ZFP64: variants seen among roughly 807,000 people sequenced by gnomAD.
ZFP64 encodes ZFP64 zinc finger protein.
A neutral mutation model predicts 51.6 loss-of-function variants in ZFP64; 14 were observed. The observed-to-expected ratio is 0.27, with a 90% CI of 0.18 to 0.42. The LOEUF (loss-of-function observed/expected upper bound fraction) is 0.42, where lower values mean the gene tolerates loss of function less well. ZFP64 is among the 10% of genes least tolerant of loss of function. The probability of loss-of-function intolerance (pLI) is 1.00; values close to 1 mark genes in which losing one functional copy is unlikely to be tolerated. For synonymous variants in ZFP64, 375 were observed against 361.4 expected (o/e 1.04, Z -0.43); for missense variants, 754 against 906.8 (o/e 0.83, Z 2.16).
chr20:52,108,519 T>A (rs1041678029), intron 5 of ZFP64, among the ~76,000 whole-genome samples: 6 of 152,102 alleles, frequency 3.9e-5, no homozygotes, highest in African/African-American at 7.2e-5. Flanking sequence ...TTTTTTTTTT[T>A]TCTTTTGAGA....
At chr20:52,120,510 C>A (rs1218686321) in intron 5 of ZFP64, among the ~76,000 whole-genome samples, 1 of 151,678 alleles carries the variant, frequency 6.6e-6, no homozygotes, top group Non-Finnish European at 1.5e-5. Context: ...TCTTTTTTTA[C>A]AAGTTGAAGG....
At chr20:52,188,930 T>C (rs937468828) in intron 1 of ZFP64, among the ~76,000 whole-genome samples, 1 of 151,262 alleles carries the variant, frequency 6.6e-6, no homozygotes, top group Non-Finnish European at 1.5e-5. Context: ...GAGCTGAGAT[T>C]GTGCCACTGC....
At chr20:52,175,423 G>T (rs1266279175) in intron 2 of ZFP64, among the ~76,000 whole-genome samples, 1 of 152,110 alleles carries the variant, frequency 6.6e-6, no homozygotes, top group East Asian at 1.9e-4. Context: ...GCGCCCAGCA[G>T]GATATTATCA....
intron 2 of ZFP64, among the ~76,000 whole-genome samples, chr20:52,168,994 A>C (rs914874022): frequency 3.9e-5 from 6 of 152,204 alleles, no homozygotes; most frequent in African/African-American, 1.4e-4. Flanking sequence ...TCTAAAATGC[A>C]TCGTTGTTTC....
At chr20:52,102,029 T>C (rs1335351844) in intron 5 of ZFP64, among the ~76,000 whole-genome samples, 1 of 147,798 alleles carries the variant, frequency 6.8e-6, no homozygotes, top group African/African-American at 2.5e-5. Context: ...GGAGAATCGC[T>C]TGAACCTGTG....
intron 5 of ZFP64, among the ~76,000 whole-genome samples, chr20:52,111,852 C>T (rs140670817): frequency 0.21 from 31,461 of 151,786 alleles, 3,643 homozygotes; most frequent in Admixed American, 0.27. Context: ...GAGGCTGAGG[C>T]GGGTGGATCA....
intron 5 of ZFP64, among the ~76,000 whole-genome samples, chr20:52,116,684 C>T (rs1245779291): frequency 6.6e-6 from 1 of 152,032 alleles, no homozygotes; most frequent in Non-Finnish European, 1.5e-5. Flanking sequence ...CACATATATA[C>T]ACATACACAT....
chr20:52,158,564 G>A (rs1004488346), intron 5 of ZFP64, among the ~76,000 whole-genome samples: 50 of 152,124 alleles, frequency 3.3e-4, no homozygotes, highest in Non-Finnish European at 5.9e-5. Flanking sequence ...AAATTAGCCA[G>A]GCATGGCAGT....
At chr20:52,190,932 C>T (rs1320642376) in intron 1 of ZFP64, among the ~76,000 whole-genome samples, 2 of 152,114 alleles carry the variant, frequency 1.3e-5, no homozygotes, top group Non-Finnish European at 1.5e-5. Context: ...TTAAAATACA[C>T]GCTCTCGCTC....
intron 5 of ZFP64, chr20:52,110,938 C>T (rs879108552): frequency 6.4e-7 from 1 of 1,564,134 alleles, no homozygotes; most frequent in Admixed American, 1.7e-5. Context: ...CTCACCGTAG[C>T]GGTACTGGGT....
chr20:52,106,204 T>C (rs1412859236), intron 5 of ZFP64, among the ~76,000 whole-genome samples: 1 of 152,070 alleles, frequency 6.6e-6, no homozygotes, highest in Non-Finnish European at 1.5e-5. Context: ...TTGAGCTAAT[T>C]AGCGTTCATG....
At chr20:52,141,444 T>C (rs1980249650) in intron 5 of ZFP64, among the ~76,000 whole-genome samples, 1 of 151,798 alleles carries the variant, frequency 6.6e-6, no homozygotes, top group Admixed American at 6.6e-5. Flanking sequence ...TGGGGGGAGG[T>C]CAAAATATCA....
At chr20:52,106,172 C>A (rs117425606) in intron 5 of ZFP64, among the ~76,000 whole-genome samples, 4 of 152,130 alleles carry the variant, frequency 2.6e-5, no homozygotes, top group Non-Finnish European at 4.4e-5. Context: ...CAGCAGGTGA[C>A]GGAGGCGTGG....
At position 52,084,987 on chromosome 20, in the gene ZFP64, GA is replaced by G. The variant is rs1214621637; in HGVS notation, c.1507del (p.Ser503ProfsTer73). The G allele has an allele frequency of 1.2e-6, 2 of 1,613,980 alleles. No homozygotes were observed. The highest frequency in any genetic ancestry group is 1.7e-6 in the Non-Finnish European group (2 of 1,180,058). Reference sequence around the variant, plus strand: ...GCGCAGGGCGGCCGCGCTGGAGCAGGAGTAGCTGCACTCTGGACACTTCTCC... The same window carrying G: ...GCGCAGGGCGGCCGCGCTGGAGCAGGGTAGCTGCACTCTGGACACTTCTCC... On this transcript the variant is annotated frameshift_variant, in exon 9 of 9. Coordinates refer to the ZFP64 transcript ENST00000361387. LOFTEE classifies it high-confidence loss of function.
chr20:52,124,615 A>T (rs554763293), intron 5 of ZFP64, among the ~76,000 whole-genome samples: 11 of 142,530 alleles, frequency 7.7e-5, no homozygotes, highest in South Asian at 2.2e-4. Flanking sequence ...TTACTTTATT[A>T]TTTTTTTTTT....
intron 5 of ZFP64, among the ~76,000 whole-genome samples, chr20:52,119,543 T>TATATATATATATAC (rs1979062268): frequency 2.1e-5 from 2 of 96,934 alleles, no homozygotes; most frequent in South Asian, 2.5e-4. Context: ...AATATATATA[T>TATATATATATATAC]ATATATATAT....
At chr20:52,141,176 G>A (rs978724676) in intron 5 of ZFP64, among the ~76,000 whole-genome samples, 11 of 152,184 alleles carry the variant, frequency 7.2e-5, no homozygotes, top group Non-Finnish European at 1.3e-4. Flanking sequence ...ACAAGGAGAC[G>A]AATGTTGTTT....
intron 5 of ZFP64, among the ~76,000 whole-genome samples, chr20:52,139,146 A>G (rs1980127938): frequency 6.6e-6 from 1 of 152,194 alleles, no homozygotes; most frequent in South Asian, 2.1e-4. Context: ...AAGAACTTAG[A>G]ACTACCACTC....
intron 5 of ZFP64, among the ~76,000 whole-genome samples, chr20:52,135,123 C>T (rs1979907500): frequency 6.6e-6 from 1 of 152,140 alleles, no homozygotes; most frequent in Admixed American, 6.5e-5. Context: ...TTCGGCCTCC[C>T]ATAGTGCTGG....
Sources: allele counts gnomAD v4.1 joint callset (sites outside exome capture counted in the v4.1 genomes callset), GRCh38; gene constraint gnomAD v4.1.1; transcripts MANE v1.5; gene names NCBI Gene and HGNC (gene_info 2026-07-23, HGNC 2026-07-21).